The following PRIM1 variants were observed in gnomAD, a reference collection of about 807,000 sequenced individuals.
The protein encoded by PRIM1 is DNA primase subunit 1, also known as DNA primase small subunit.
A neutral mutation model predicts 60.2 loss-of-function variants in PRIM1; 38 were observed. The ratio of observed to expected loss-of-function variants is 0.63; its 90% CI spans 0.49 to 0.83. The LOEUF is 0.83. Among genes scored for constraint, PRIM1 ranks in the 40% least tolerant of loss-of-function variants. PRIM1 has a pLI of 0.00. For synonymous variants in PRIM1, 158 were observed against 160.2 expected (o/e 0.99, Z 0.10); for missense variants, 388 against 506.2 (o/e 0.77, Z 2.24).
chr12:56,745,945 A>C, intron 5 of PRIM1, 100 bp downstream of exon 5: 2 of 1,313,292 alleles, frequency 1.5e-6, no homozygotes, highest in Non-Finnish European at 1.0e-6. Flanking sequence ...TCTCAAAAAA[A>C]AAAAAAAAAG....
At chr12:56,752,165 C>T (rs768794059) in intron 1 of PRIM1, 31 bp downstream of exon 1, 1 of 1,493,482 alleles carries the variant, frequency 6.7e-7, no homozygotes, top group Admixed American at 1.9e-5. Flanking sequence ...CCTCACACTC[C>T]GCTCCCGAAC....
chr12:56,731,677 G>A lies in PRIM1; in HGVS notation c.*38C>T. ...TTGAAGTATTTGATCTGTGGTTGAA[G>A]GCAGAAGATATCCACAATGGTTTGA... On this transcript the variant is annotated 3_prime_UTR_variant, in exon 13 of 13. Coordinates refer to ENST00000338193, the MANE Select transcript of PRIM1 (RefSeq NM_000946.3). The A allele has an allele frequency of 6.7e-7, 1 of 1,490,246 alleles. No individual in the cohort carries two copies. The allele number at this position is 1,490,246 out of a possible 1,614,324, so 92.3% of individuals were successfully genotyped here.
chr12:56,751,978 T>G (rs1592337934), intron 1 of PRIM1, among the ~76,000 whole-genome samples: 1 of 149,272 alleles, frequency 6.7e-6, no homozygotes, highest in African/African-American at 2.5e-5. Context: ...TTTTTTTTTT[T>G]TTTTTTTTTT....
At chr12:56,742,864 AT>A in intron 7 of PRIM1, 122 bp downstream of exon 7, 1 of 705,606 alleles carries the variant, frequency 1.4e-6, no homozygotes, top group South Asian at 2.1e-5. Flanking sequence ...TACAGGAGAT[AT>A]TTTGTGTAAA....
intron 7 of PRIM1, 102 bp from the exon 8 acceptor site, chr12:56,741,939 T>A: frequency 9.1e-7 from 1 of 1,093,206 alleles, no homozygotes; most frequent in Non-Finnish European, 1.4e-6. Context: ...ATTCAGAAAG[T>A]AGTTATTAAC....
Position 56,751,132 on chromosome 12 carries a change from C to G in PRIM1, c.167G>C (p.Arg56Pro). Reference sequence around the variant, plus strand: ...ACTCTGGTTGTTGAAGGATTGGTAGCGAATGTAAATATCATCTTTCAATGT... The same window carrying G: ...ACTCTGGTTGTTGAAGGATTGGTAGGGAATGTAAATATCATCTTTCAATGT... ...SFTLKDDIYI[R>P]YQSFNNQSDL... The change falls in exon 2 of 13, where the codon CGC becomes CCC. Residue 56 changes from arginine (R) to proline (P), a missense_variant. Transcript: ENST00000338193. The G allele has an allele frequency of 6.3e-7, 1 of 1,579,870 alleles. No individual in the cohort carries two copies.
intron 7 of PRIM1, among the ~76,000 whole-genome samples, chr12:56,742,578 C>T (rs1398836877): frequency 6.6e-6 from 1 of 151,242 alleles, no homozygotes; most frequent in African/African-American, 2.4e-5. Flanking sequence ...GTCTTAAAAA[C>T]AACAACAACA....
At chr12:56,740,547 G>A (rs909878495) in intron 9 of PRIM1, among the ~76,000 whole-genome samples, 1 of 152,100 alleles carries the variant, frequency 6.6e-6, no homozygotes, top group African/African-American at 2.4e-5. Flanking sequence ...TGGGAGACTG[G>A]GGCAGGTGAA....
chr12:56,745,938 CAA>C (rs11331084), intron 5 of PRIM1, 105 bp downstream of exon 5: 58,899 of 919,250 alleles, frequency 0.064, no homozygotes, highest in South Asian at 0.1. Flanking sequence ...GAGTCCATCT[CAA>C]AAAAAAAAAA....
At chr12:56,752,096 A>G in intron 1 of PRIM1, 100 bp downstream of exon 1, 1 of 796,140 alleles carries the variant, frequency 1.3e-6, no homozygotes, top group Non-Finnish European at 2.0e-6. Flanking sequence ...CGCGGCACAA[A>G]GCCTGGTGCA....
chr12:56,751,177 T>A lies in PRIM1; in HGVS notation c.122A>T (p.Gln41Leu), dbSNP rs758885891. The change falls in exon 2 of 13, where the codon CAA becomes CTA. Residue 41 changes from glutamine to leucine, a missense_variant. Physicochemically the swap from Gln to Leu is moderately radical, Grantham distance 113 (BLOSUM62 -2). Around this residue, in one of 3 missense-constraint regions of PRIM1, gnomAD observed 156 missense variants for 175.8 expected, o/e 0.89. Coordinates refer to ENST00000338193, the MANE Select transcript of PRIM1 (RefSeq NM_000946.3). ...NYGGVIKNYF[Q>L]HREFSFTLKD... Reference sequence around the variant, plus strand: ...CAATGTGAATGAAAATTCACGGTGTTGAAAGTAATTCTTTATCACTGCAAA... The same window carrying A: ...CAATGTGAATGAAAATTCACGGTGTAGAAAGTAATTCTTTATCACTGCAAA... 7 of 1,551,148 alleles carry A rather than the reference T, an allele frequency of 4.5e-6. No homozygotes were observed. Among genetic ancestry groups the A allele is most frequent in the Middle Eastern group, 1.7e-4 (1 of 5,962 alleles).
rs1953849338 is a variant in PRIM1 at position 56,738,445 on chromosome 12, T to C, written c.1133A>G (p.His378Arg). The change falls in exon 11 of 13, where the codon CAT (histidine) becomes CGT (arginine). Residue 378 changes from histidine to arginine, a missense_variant. By Grantham distance (29) the His-to-Arg change is conservative. This residue lies in a region of PRIM1 where 211 missense variants were observed against 277.9 expected (regional missense o/e 0.76). Coordinates refer to ENST00000338193, the MANE Select transcript of PRIM1 (RefSeq NM_000946.3). Reference protein sequence around the residue: ...EENEAESDVKHRTRDYKKTSL... With the variant: ...EENEAESDVKRRTRDYKKTSL... Reference sequence around the variant, plus strand: ...AAATATTACCTTACCTCTGGTTCTATGTTTGACATCAGATTCAGCTTCATT... The same window carrying C: ...AAATATTACCTTACCTCTGGTTCTACGTTTGACATCAGATTCAGCTTCATT... 4 of 1,580,688 alleles carry C rather than the reference T, an allele frequency of 2.5e-6. No homozygotes were observed. The highest frequency in any genetic ancestry group is 3.4e-6 in the Non-Finnish European group (4 of 1,161,578).
intron 5 of PRIM1, among the ~76,000 whole-genome samples, chr12:56,744,418 G>A (rs999721562): frequency 1.3e-5 from 2 of 151,842 alleles, no homozygotes; most frequent in Admixed American, 6.6e-5. Flanking sequence ...GCTTGAACTC[G>A]GGAGGCAGAG....
chr12:56,738,514 C>T lies in PRIM1; in HGVS notation c.1064G>A (p.Arg355His), dbSNP rs749641722. 1.2e-5 allele frequency: 19 copies of T among 1,577,794 alleles called. No individual in the cohort carries two copies. The highest frequency in any genetic ancestry group is 9.2e-5 in the Admixed American group (5 of 54,406). The change falls in exon 11 of 13, where the codon CGT (arginine) becomes CAT (histidine). Residue 355 changes from arginine to histidine, a missense_variant. Arg to His is a conservative substitution (Grantham distance 29). Coordinates refer to ENST00000338193, the MANE Select transcript of PRIM1 (RefSeq NM_000946.3). ...ATTAGTGGAAATGGCATCCAATTCA[C>T]GGCAGATGAAGCTGCAAGTAACAGA... ...FTVPTISFIC[R>H]ELDAISTNEE...
In PRIM1 at chr12:56,746,665, CACACACACACAA is replaced by C. The variant is rs752263307; in HGVS notation, c.442+104_442+115del. 1,555 of 839,412 alleles carry C rather than the reference CACACACACACAA, an allele frequency of 1.9e-3. 44 individuals are homozygous for C. The highest frequency in any genetic ancestry group is 5.9e-3 in the East Asian group (204 of 34,650). 52.0% of individuals were successfully genotyped at this position (839,412 alleles called of 1,614,324 possible). A position where few individuals can be genotyped will look rare whatever the true frequency, so the allele number is the denominator to read the frequency against. ...ACACACACACACACACACACACACA[CACACACACACAA>C]ATTAATGAGATTTGATCACAAAATA... On this transcript the variant is annotated intron_variant, in intron 4 of 12. Coordinates refer to ENST00000338193, the MANE Select transcript of PRIM1 (RefSeq NM_000946.3).
At chr12:56,741,349 T>C in intron 9 of PRIM1, 86 bp downstream of exon 9, 1 of 1,331,066 alleles carries the variant, frequency 7.5e-7, no homozygotes, top group South Asian at 1.5e-5. Context: ...ATAGACATTA[T>C]ATATATTCAG....
At chr12:56,740,743 T>A (rs1953866399) in intron 9 of PRIM1, among the ~76,000 whole-genome samples, 1 of 152,084 alleles carries the variant, frequency 6.6e-6, no homozygotes, top group African/African-American at 2.4e-5. Flanking sequence ...GGTGACAGAG[T>A]GAGACTCTTT....
chr12:56,749,745 T>G (rs2137869658), intron 2 of PRIM1, among the ~76,000 whole-genome samples: 1 of 152,220 alleles, frequency 6.6e-6, no homozygotes, highest in South Asian at 2.1e-4. Flanking sequence ...TCCTCCTTTG[T>G]AAAAAGAATG....
intron 4 of PRIM1, 42 bp downstream of exon 4, chr12:56,746,739 G>A (rs776397554): frequency 6.4e-6 from 10 of 1,573,100 alleles, no homozygotes; most frequent in South Asian, 4.5e-5. Flanking sequence ...GAGGAAAACC[G>A]ATTCTTACAC....
Sources: allele counts gnomAD v4.1 joint callset (sites outside exome capture counted in the v4.1 genomes callset), GRCh38; gene constraint gnomAD v4.1.1; regional missense constraint gnomAD v4.1.1; transcripts MANE v1.5; gene names NCBI Gene and HGNC (gene_info 2026-07-23, HGNC 2026-07-21).